KIAA1549: variants seen among roughly 807,000 people sequenced by gnomAD.
KIAA1549 encodes the protein KIAA1549.
In KIAA1549, 70 loss-of-function variants were observed where a neutral mutation model predicts 156.4. That is an observed-to-expected ratio of 0.45 (90% confidence interval 0.37 to 0.55). The LOEUF (loss-of-function observed/expected upper bound fraction) is 0.55. Ranked by LOEUF, KIAA1549 falls within the 20% of genes least tolerant of loss-of-function variation. KIAA1549 has a pLI of 0.00. For missense variants in KIAA1549, 2,428 were observed against 2,540.9 expected (o/e 0.96, Z 0.96); for synonymous variants, 1,103 against 1,066.4 (o/e 1.03, Z -0.67).
intron 17 of KIAA1549, 87 bp from the exon 18 acceptor site, chr7:138,844,561 G>GT (rs773178610): frequency 6.8e-5 from 84 of 1,243,564 alleles, no homozygotes; most frequent in Non-Finnish European, 8.7e-5. Flanking sequence ...CTTACAGAAG[G>GT]TAACACTTAT....
intron 10 of KIAA1549, among the ~76,000 whole-genome samples, chr7:138,892,634 T>C (rs988986872): frequency 1.4e-4 from 22 of 152,226 alleles, no homozygotes; most frequent in African/African-American, 5.3e-4. Context: ...ATGCTTTTCA[T>C]GTACTTGATA....
At chr7:138,871,415 C>A in intron 12 of KIAA1549, 53 bp from the exon 13 acceptor site, 2 of 1,421,376 alleles carry the variant, frequency 1.4e-6, no homozygotes, top group Non-Finnish European at 1.9e-6. Flanking sequence ...AAAGAAACAG[C>A]AACTAATCAA....
At chr7:138,944,426 G>A (rs978779536) in intron 1 of KIAA1549, among the ~76,000 whole-genome samples, 17 of 151,992 alleles carry the variant, frequency 1.1e-4, no homozygotes, top group African/African-American at 4.1e-4. Flanking sequence ...AAAATATAGA[G>A]AAATTGGAAC....
chr7:138,916,820 G>A lies in KIAA1549; in HGVS notation c.2806C>T (p.Pro936Ser), dbSNP rs534132672. The A allele has an allele frequency of 3.7e-6, 6 of 1,613,974 alleles. No individual in the cohort carries two copies. In the East Asian group the frequency reaches 1.3e-4, roughly 36 times the overall value. The change falls in exon 2 of 20, where the codon CCA (proline) becomes TCA (serine). Residue 936 changes from proline to serine, a missense_variant. Physicochemically the swap from Pro to Ser is moderately conservative, Grantham distance 74 (BLOSUM62 -1). Around this residue, in one of 5 missense-constraint regions of KIAA1549, gnomAD observed 762 missense variants for 901.6 expected, o/e 0.85. Coordinates refer to ENST00000422774, the MANE Select transcript of KIAA1549 (RefSeq NM_001164665.2). ...AFTLEATVDT[P>S]TLATAKPPYV... ...GGCGGCTTGGCAGTAGCCAGTGTTG[G>A]TGTGTCGACTGTTGCTTCGAGAGTG...
chr7:138,911,548 C>A (rs1179416216), intron 3 of KIAA1549, among the ~76,000 whole-genome samples: 2 of 152,102 alleles, frequency 1.3e-5, no homozygotes, highest in Non-Finnish European at 2.9e-5. Flanking sequence ...GAAATATGAA[C>A]TGAATAATGA....
At position 138,911,147 on chromosome 7, in the gene KIAA1549, T is replaced by A. The variant is rs750437685; in HGVS notation, c.3144A>T (p.Thr1048=). The A allele has an allele frequency of 1.9e-6, 3 of 1,578,828 alleles. No homozygotes were observed. The highest frequency in any genetic ancestry group is 2.6e-6 in the Non-Finnish European group (3 of 1,163,550). ...AACAACTATGCTGAGCTGTCTCACCTGTTTGAACTTGGAACCTGGACTCTG... is the reference window on the plus strand; with the variant it reads ...AACAACTATGCTGAGCTGTCTCACCAGTTTGAACTTGGAACCTGGACTCTG... ...LVPESRFQVQ[T]VLQFVPPSVD... The change falls in exon 4 of 20, where the codon ACA becomes ACT. Residue 1048 remains threonine (T), a splice_region_variant and synonymous_variant. Coordinates refer to ENST00000422774, the MANE Select transcript of KIAA1549 (RefSeq NM_001164665.2).
At chr7:138,955,696 G>C (rs1375696112) in intron 1 of KIAA1549, among the ~76,000 whole-genome samples, 4 of 152,172 alleles carry the variant, frequency 2.6e-5, no homozygotes, top group Non-Finnish European at 5.9e-5. Context: ...TGAAACACTA[G>C]GAAGATGCAT....
chr7:138,914,415 G>A (rs1554420645), intron 2 of KIAA1549, among the ~76,000 whole-genome samples: 1 of 152,194 alleles, frequency 6.6e-6, no homozygotes. Flanking sequence ...AAAGGCCCTG[G>A]GTGGAAGCGC....
rs10267807 is a variant in KIAA1549 at position 138,926,390 on chromosome 7, G to A, written c.188-6952C>T. 3.8e-3 allele frequency among the ~76,000 whole-genome samples: 575 copies of A among 151,942 alleles called. 4 individuals are homozygous for A. The highest frequency in any genetic ancestry group is 0.013 in the African/African-American group (558 of 41,446). ...AAATCTCTGCCTCTTAGGTTCACGC[G>A]ACTTGTGCCTCAGCCTCCAGAGCAG... On this transcript the variant is annotated intron_variant, in intron 1 of 19. Coordinates refer to ENST00000422774, the MANE Select transcript of KIAA1549 (RefSeq NM_001164665.2).
At chr7:138,953,928 CT>C (rs1813580202) in intron 1 of KIAA1549, among the ~76,000 whole-genome samples, 1 of 152,116 alleles carries the variant, frequency 6.6e-6, no homozygotes, top group African/African-American at 2.4e-5. Flanking sequence ...AGTATTTTTT[CT>C]TCATGATCTT....
intron 16 of KIAA1549, among the ~76,000 whole-genome samples, chr7:138,856,691 G>A (rs568584894): frequency 1.3e-5 from 2 of 152,248 alleles, no homozygotes; most frequent in East Asian, 3.9e-4. Flanking sequence ...CCTGCCTCAT[G>A]TCTAACCACT....
intron 1 of KIAA1549, among the ~76,000 whole-genome samples, chr7:138,965,995 C>T (rs905339843): frequency 3.9e-5 from 6 of 152,184 alleles, no homozygotes; most frequent in African/African-American, 7.2e-5. Context: ...AGGCACACTC[C>T]TGCCTCAAGG....
chr7:138,842,497 G>C (rs1246823708), intron 18 of KIAA1549, among the ~76,000 whole-genome samples: 1 of 152,198 alleles, frequency 6.6e-6, no homozygotes, highest in Non-Finnish European at 1.5e-5. Flanking sequence ...GACCAGCCTA[G>C]CCAACATGGT....
At chr7:138,979,606 G>C (rs1814483377) in intron 1 of KIAA1549, among the ~76,000 whole-genome samples, 1 of 152,252 alleles carries the variant, frequency 6.6e-6, no homozygotes, top group Non-Finnish European at 1.5e-5. Flanking sequence ...GAATCCACGA[G>C]TATCAGATGG....
At chr7:138,977,293 T>C (rs1814407843) in intron 1 of KIAA1549, among the ~76,000 whole-genome samples, 1 of 152,016 alleles carries the variant, frequency 6.6e-6, no homozygotes, top group African/African-American at 2.4e-5. Context: ...GGTAAATAAA[T>C]AAAAATACAG....
At chr7:138,866,496 T>C (rs1034958879) in intron 15 of KIAA1549, among the ~76,000 whole-genome samples, 1 of 152,194 alleles carries the variant, frequency 6.6e-6, no homozygotes, top group Non-Finnish European at 1.5e-5. Flanking sequence ...CTAACGTGTC[T>C]CTAAACCAGG....
intron 10 of KIAA1549, among the ~76,000 whole-genome samples, chr7:138,889,119 C>T (rs547571630): frequency 4.1e-4 from 62 of 152,332 alleles, no homozygotes; most frequent in Admixed American, 7.8e-4. Flanking sequence ...AAGTGAATGC[C>T]TCTAATGACT....
Position 138,981,064 on chromosome 7 carries a change from G to C in KIAA1549, c.187+19C>G. 1 of 1,224,472 alleles carries C rather than the reference G, an allele frequency of 8.2e-7. No individual in the cohort carries two copies. Among genetic ancestry groups the C allele is most frequent in the Non-Finnish European group, 1.0e-6 (1 of 982,336 alleles). The allele number at this position is 1,224,472 out of a possible 1,614,324, so 75.9% of individuals were successfully genotyped here. A position where few individuals can be genotyped will look rare whatever the true frequency, so the allele number is the denominator to read the frequency against. ...AGGCGGGGTCGCGGCCGCGTTCCGAGGGTCTCGGCGGAGCTTACCTGGGGC... is the reference window on the plus strand; with the variant it reads ...AGGCGGGGTCGCGGCCGCGTTCCGACGGTCTCGGCGGAGCTTACCTGGGGC... On this transcript the variant is annotated intron_variant, in intron 1 of 19. Transcript: ENST00000422774. The surrounding 1 kb of genome is among the most constrained non-coding windows in gnomAD (Gnocchi z 4.5).
chr7:138,946,967 CA>C (rs774978501), intron 1 of KIAA1549, among the ~76,000 whole-genome samples: 7 of 152,310 alleles, frequency 4.6e-5, no homozygotes, highest in Non-Finnish European at 7.4e-5. Flanking sequence ...AGCAGGTAAA[CA>C]ACCCCTGGTC....
Sources: allele counts gnomAD v4.1 joint callset (sites outside exome capture counted in the v4.1 genomes callset), GRCh38; gene constraint gnomAD v4.1.1; regional missense constraint gnomAD v4.1.1; non-coding constraint Gnocchi (gnomAD v3.1); transcripts MANE v1.5; gene names NCBI Gene and HGNC (gene_info 2026-07-23, HGNC 2026-07-21).